The following RND1 variants were observed in gnomAD, a reference collection of about 807,000 sequenced individuals.
RND1 encodes the protein Rho family GTPase 1, also known as rho-related GTP-binding protein Rho6.
Under a neutral mutation model 27.1 loss-of-function variants are expected in RND1, and 9 were observed. The observed-to-expected ratio is 0.33, with a 90% CI of 0.20 to 0.58. RND1 has a LOEUF of 0.58. Among genes scored for constraint, RND1 ranks in the 20% least tolerant of loss-of-function variants. The probability of loss-of-function intolerance (pLI) is 0.86; values close to 1 mark genes in which losing one functional copy is unlikely to be tolerated. For synonymous variants in RND1, 108 were observed against 115.7 expected (o/e 0.93, Z 0.43); for missense variants, 253 against 292.2 (o/e 0.87, Z 0.98).
intron 4 of RND1, 116 bp from the exon 5 acceptor site, chr12:48,858,357 A>T: frequency 9.4e-7 from 1 of 1,058,398 alleles, no homozygotes. Flanking sequence ...GTCTCCAAAC[A>T]CCACCCTCTG....
At chr12:48,860,341 C>T (rs1243139300) in intron 4 of RND1, among the ~76,000 whole-genome samples, 1 of 152,170 alleles carries the variant, frequency 6.6e-6, no homozygotes, top group Non-Finnish European at 1.5e-5. Context: ...GCCTTGGCCT[C>T]TCAAGTGCTG....
Position 48,864,884 on chromosome 12 carries a change from G to A in RND1, c.121-14C>T. ...GGGCACATAGGTCTGTGAAAAGAGA[G>A]GAAACATTCACCCCATGCACCCCTA... On this transcript the variant is annotated splice_polypyrimidine_tract_variant and intron_variant, in intron 1 of 4. Transcript: ENST00000309739. 3 of 1,600,128 alleles carry A rather than the reference G, an allele frequency of 1.9e-6. No homozygotes were observed. The highest frequency in any genetic ancestry group is 1.1e-5 in the South Asian group (1 of 90,748).
chr12:48,865,442 C>T, intron 1 of RND1: 1 of 599,580 alleles, frequency 1.7e-6, no homozygotes, highest in Non-Finnish European at 3.0e-6. Context: ...GAGGAGCCAG[C>T]GGGGCGGCAG....
chr12:48,861,980 T>C (rs1490942772), intron 3 of RND1, 29 bp downstream of exon 3: 1 of 1,269,392 alleles, frequency 7.9e-7, no homozygotes, highest in South Asian at 1.2e-5. Flanking sequence ...CATGCTGAGT[T>C]AGAGATTAGA....
In RND1 at chr12:48,860,992, C is replaced by G. The variant is rs1203699313; in HGVS notation, c.453+5G>C. ...CCCACGACATGCACTTGCATGCGCA[C>G]ACACCTGCTCATAGGAGATGGGCGC... On this transcript the variant is annotated splice_donor_5th_base_variant and intron_variant, in intron 4 of 4. Coordinates refer to ENST00000309739, the MANE Select transcript of RND1 (RefSeq NM_014470.4). 2 of 1,613,106 alleles carry G rather than the reference C, an allele frequency of 1.2e-6. No individual in the cohort carries two copies. The highest frequency in any genetic ancestry group is 4.5e-5 in the East Asian group (2 of 44,888).
rs562062746 is a variant in RND1, at chr12:48,862,078, G to A, written c.249C>T (p.Ser83=). Residue 83 remains serine, a synonymous_variant, in exon 3 of 5, where the codon AGC becomes AGT. Transcript: ENST00000309739. ...AACATAGTAATACTGCATCCGAGTC[G>A]CTGTAGCAGAGTGGACGGACATTAT... ...YYDNVRPLCY[S]DSDAVLLCFD... 5.0e-6 allele frequency: 8 copies of A among 1,613,304 alleles called. No homozygotes were observed. The highest frequency in any genetic ancestry group is 1.7e-4 in the Middle Eastern group (1 of 6,050).
chr12:48,859,200 T>C (rs7484695), intron 4 of RND1: 98,986 of 151,052 alleles, frequency 0.66, 32,683 homozygotes, highest in Middle Eastern at 0.7. Flanking sequence ...CCTTGTGATC[T>C]GCCCGCCTCA....
At chr12:48,862,702 C>T (rs929709796) in intron 2 of RND1, among the ~76,000 whole-genome samples, 10 of 152,182 alleles carry the variant, frequency 6.6e-5, no homozygotes, top group African/African-American at 2.4e-4. Flanking sequence ...CTCCTGACCG[C>T]CCCACATCTC....
chr12:48,858,002 A>C lies in RND1; in HGVS notation c.693T>G (p.Ile231Met). 6.2e-7 allele frequency: 1 copy of C among 1,600,222 alleles called. No homozygotes were observed. Among genetic ancestry groups the C allele is most frequent in the Non-Finnish European group, 8.5e-7 (1 of 1,172,340 alleles). Residue 231 changes from isoleucine to methionine, a missense_variant, in exon 5 of 5, where the codon ATT becomes ATG. Coordinates refer to ENST00000309739, the MANE Select transcript of RND1 (RefSeq NM_014470.4). ...FKKEKAKSCS[I>M]M Reference sequence around the variant, plus strand: ...CCCCCCTCCAATTTCCACTTCACATAATGGAACAGCTTTTGGCCTTTTCCT... The same window carrying C: ...CCCCCCTCCAATTTCCACTTCACATCATGGAACAGCTTTTGGCCTTTTCCT...
At chr12:48,863,835 A>T (rs1246445558) in intron 2 of RND1, among the ~76,000 whole-genome samples, 1 of 152,104 alleles carries the variant, frequency 6.6e-6, no homozygotes, top group African/African-American at 2.4e-5. Context: ...CAGCCTGAAT[A>T]TGCATTTTTG....
intron 4 of RND1, 66 bp from the exon 5 acceptor site, chr12:48,858,307 G>A (rs976086073): frequency 4.5e-5 from 70 of 1,569,386 alleles, no homozygotes; most frequent in Non-Finnish European, 5.5e-5. Flanking sequence ...GCCTCTGTGC[G>A]TCACTCCCCA....
chr12:48,864,416 T>TGTGCGCGC lies in RND1; in HGVS notation c.208+366_208+367insGCGCGCAC, dbSNP rs141121524. The stretch of plus-strand genomic sequence containing the variant: ...GTGTGTGTGTGTGTGTGTGTGTGTG[T>TGTGCGCGC]GCGCGCGCGCGCGTGTGTGTGCATG... On this transcript the variant is annotated intron_variant, in intron 2 of 4. Coordinates refer to ENST00000309739, the MANE Select transcript of RND1 (RefSeq NM_014470.4). 2.9e-3 allele frequency among the ~76,000 whole-genome samples: 399 copies of TGTGCGCGC among 135,532 alleles called. 2 individuals are homozygous for TGTGCGCGC. The highest frequency in any genetic ancestry group is 0.01 in the South Asian group (45 of 4,356). 88.9% of individuals were successfully genotyped at this position (135,532 alleles called of 152,430 possible). A position where few individuals can be genotyped will look rare whatever the true frequency, so the allele number is the denominator to read the frequency against.
intron 1 of RND1, 76 bp from the exon 2 acceptor site, chr12:48,864,946 A>G: frequency 1.9e-6 from 2 of 1,060,514 alleles, no homozygotes; most frequent in South Asian, 2.5e-5. Context: ...CTACACACGC[A>G]CTCACCAGAG....
At chr12:48,861,423 T>C (rs1938918060) in intron 3 of RND1, among the ~76,000 whole-genome samples, 1 of 152,098 alleles carries the variant, frequency 6.6e-6, no homozygotes, top group Non-Finnish European at 1.5e-5. Flanking sequence ...CTGCCAACCA[T>C]ATAGGCATGG....
intron 4 of RND1, among the ~76,000 whole-genome samples, chr12:48,859,894 C>G (rs1938897308): frequency 6.6e-6 from 1 of 152,122 alleles, no homozygotes; most frequent in Admixed American, 6.5e-5. Context: ...GAAATAGAGT[C>G]TCACTCTGTT....
In RND1 at chr12:48,857,905, A is replaced by T; in HGVS notation, c.*91T>A. 1 of 1,461,598 alleles carries T rather than the reference A, an allele frequency of 6.8e-7. No homozygotes were observed. Among genetic ancestry groups the T allele is most frequent in the Non-Finnish European group, 9.2e-7 (1 of 1,088,656 alleles). The allele number at this position is 1,461,598 out of a possible 1,614,324, so 90.5% of individuals were successfully genotyped here. ...GTGGCCATCTGAAAAACTCATGTCC[A>T]GTGTCCTAAATTGTCTCATCCTCCC... On this transcript the variant is annotated 3_prime_UTR_variant, in exon 5 of 5. Coordinates refer to ENST00000309739, the MANE Select transcript of RND1 (RefSeq NM_014470.4).
intron 2 of RND1, among the ~76,000 whole-genome samples, chr12:48,864,226 C>T (rs1045936520): frequency 2.0e-5 from 3 of 152,110 alleles, no homozygotes; most frequent in East Asian, 1.9e-4. Flanking sequence ...GGCTGAGCTG[C>T]GGCAGGAGGA....
intron 2 of RND1, among the ~76,000 whole-genome samples, chr12:48,864,416 T>TGTGTGTGTGTGTGTGTGTGTGCGCGCGC: frequency 7.4e-6 from 1 of 135,558 alleles, no homozygotes; most frequent in African/African-American, 2.7e-5. Context: ...TGTGTGTGTG[T>TGTGTGTGTGTGTGTGTGTGTGCGCGCGC]GCGCGCGCGC....
In RND1 at chr12:48,861,141, G is replaced by A. The variant is rs1938914460; in HGVS notation, c.319-10C>T. On this transcript the variant is annotated splice_polypyrimidine_tract_variant and intron_variant, in intron 3 of 4. Coordinates refer to ENST00000309739, the MANE Select transcript of RND1 (RefSeq NM_014470.4). ...GGATTTCTGTCCTCCACTGAGGGGTGGAGCAGGAAGAAGGGTAGGAGAAGG... is the reference window on the plus strand; with the variant it reads ...GGATTTCTGTCCTCCACTGAGGGGTAGAGCAGGAAGAAGGGTAGGAGAAGG... The A allele has an allele frequency of 6.3e-7, 1 of 1,599,680 alleles. No individual in the cohort carries two copies. The highest frequency in any genetic ancestry group is 1.3e-5 in the African/African-American group (1 of 74,676).
Sources: allele counts gnomAD v4.1 joint callset (sites outside exome capture counted in the v4.1 genomes callset), GRCh38; gene constraint gnomAD v4.1.1; transcripts MANE v1.5; gene names NCBI Gene and HGNC (gene_info 2026-07-23, HGNC 2026-07-21).